Variants in SEC14L5 observed in about 807,000 individuals in gnomAD.
SEC14L5 encodes the protein SEC14-like protein 5.
In SEC14L5, 96 loss-of-function variants were observed where a neutral mutation model predicts 84.6. The observed-to-expected ratio is 1.13, with a 90% confidence interval of 0.96 to 1.34. SEC14L5 has a LOEUF of 1.34. Among genes scored for constraint, SEC14L5 ranks in the 40% most tolerant of loss-of-function variants. The pLI is 0.00. For synonymous variants in SEC14L5, 546 were observed against 383.4 expected, an observed-to-expected ratio of 1.42 and a Z score of -4.95; for missense variants, 1,224 against 942.5, an observed-to-expected ratio of 1.30 and a Z score of -3.91.
At chr16:4,967,573 T>A in intron 2 of SEC14L5, among the ~76,000 whole-genome samples, 1 of 131,006 alleles carries the variant, frequency 7.6e-6, no homozygotes, top group Admixed American at 7.7e-5. Context: ...TTTTTTTTTT[T>A]TTTTTTTTTT....
In SEC14L5 at chr16:4,961,154, T is replaced by C. The variant is rs1955116234; in HGVS notation, c.63+1768T>C. Among the ~76,000 whole-genome samples the C allele has an allele frequency of 2.6e-5, 4 of 151,792 alleles. No individual in the cohort carries two copies. In the South Asian group the frequency reaches 8.4e-4, roughly 32 times the overall value. On this transcript the variant is annotated intron_variant, in intron 2 of 15. Transcript: ENST00000251170. The stretch of plus-strand genomic sequence containing the variant: ...CGGGCGTGGTGGCGCGCACCTGTAG[T>C]CCCATCTACTCGGGAGGCTGAAGCA...
chr16:4,959,533 T>G, intron 2 of SEC14L5, 147 bp downstream of exon 2: 1 of 697,652 alleles, frequency 1.4e-6, no homozygotes, highest in Non-Finnish European at 2.6e-6. Context: ...TTAACTTCTA[T>G]CCAGTGACCT....
intron 14 of SEC14L5, among the ~76,000 whole-genome samples, chr16:5,010,113 C>T (rs1206488194): frequency 7.1e-6 from 1 of 140,624 alleles, no homozygotes; most frequent in African/African-American, 2.7e-5. Context: ...GAGGCCGAGG[C>T]AGGTGAATCA....
chr16:4,979,083 T>A (rs932033781), intron 2 of SEC14L5, among the ~76,000 whole-genome samples: 2 of 152,210 alleles, frequency 1.3e-5, no homozygotes, highest in African/African-American at 4.8e-5. Flanking sequence ...GCAAAGAGGC[T>A]GGACCCTCAG....
chr16:5,016,454 G>T lies in SEC14L5; in HGVS notation c.*1484G>T, dbSNP rs1955875973. 6.6e-6 allele frequency: 1 copy of T among 152,216 alleles called. No individual in the cohort carries two copies. The highest frequency in any genetic ancestry group is 2.4e-5 in the African/African-American group (1 of 41,432). 9.4% of individuals were successfully genotyped at this position (152,216 alleles called of 1,614,324 possible). A position where few individuals can be genotyped will look rare whatever the true frequency, so the allele number is the denominator to read the frequency against. ...CATTTGGGAGCACCAGCAGAATGGG[G>T]TCACTATTGTTGCATGAAGACAACA... On this transcript the variant is annotated 3_prime_UTR_variant, in exon 16 of 16. Coordinates refer to ENST00000251170, the MANE Select transcript of SEC14L5 (RefSeq NM_014692.2).
At chr16:5,003,829 C>G (rs76977301) in intron 11 of SEC14L5, among the ~76,000 whole-genome samples, 1 of 152,242 alleles carries the variant, frequency 6.6e-6, no homozygotes, top group Admixed American at 6.5e-5. Context: ...ACCCCCATGC[C>G]CATTATCGTG....
In SEC14L5 at chr16:4,996,404, C is replaced by A; in HGVS notation, c.724C>A (p.Gln242Lys). ...GTGCCTGGGCCACCTCACGCCCATG[C>A]AGGAGAGCTGCCTGATCCAGCTTCG... ...ERCLGHLTPMQESCLIQLRHW... is the reference protein window; with the variant it reads ...ERCLGHLTPMKESCLIQLRHW... Residue 242 changes from glutamine (Q) to lysine (K), a missense_variant, in exon 7 of 16, where the codon CAG becomes AAG. Transcript: ENST00000251170. The A allele has an allele frequency of 1.3e-6, 2 of 1,573,840 alleles. No individual in the cohort carries two copies. Among genetic ancestry groups the A allele is most frequent in the Admixed American group, 1.8e-5 (1 of 54,084 alleles).
In SEC14L5 at chr16:4,987,537, C is replaced by CA. The variant is rs755120983; in HGVS notation, c.64-19dup. On this transcript the variant is annotated intron_variant, in intron 2 of 15. Transcript: ENST00000251170. ...CTCTGCCCCCCCCACCACGGCCGCT[C>CA]ACTGCCGCTCTGCCCCCAGGCCTAC... 1.1e-4 allele frequency: 163 copies of CA among 1,528,686 alleles called. No individual in the cohort carries two copies. The highest frequency in any genetic ancestry group is 8.4e-4 in the Middle Eastern group (5 of 5,932). 94.7% of individuals were successfully genotyped at this position (1,528,686 alleles called of 1,614,324 possible). A position where few individuals can be genotyped will look rare whatever the true frequency, so the allele number is the denominator to read the frequency against.
rs1955616349 is a variant in SEC14L5 at position 4,996,838 on chromosome 16, ACTT to A, written c.781-13_781-11del. ...GGGGATACCGTTCTGTGGGCTTTTT[ACTT>A]CTTTGTCTCTCAGATTCCCAAAGAT... On this transcript the variant is annotated splice_polypyrimidine_tract_variant and intron_variant, in intron 7 of 15. Transcript: ENST00000251170. The A allele has an allele frequency of 6.3e-7, 1 of 1,598,456 alleles. No individual in the cohort carries two copies. Among genetic ancestry groups the A allele is most frequent in the Non-Finnish European group, 8.5e-7 (1 of 1,171,314 alleles).
At chr16:4,966,856 C>T (rs1320462294) in intron 2 of SEC14L5, among the ~76,000 whole-genome samples, 1 of 152,214 alleles carries the variant, frequency 6.6e-6, no homozygotes, top group African/African-American at 2.4e-5. Context: ...CAGTTACCAT[C>T]AGGATGCCTT....
rs148186772 is a variant in SEC14L5, at chr16:5,011,217, C to A, written c.1923C>A (p.Pro641=). 6.2e-7 allele frequency: 1 copy of A among 1,613,884 alleles called. No homozygotes were observed. The change falls in exon 15 of 16, where the codon CCC becomes CCA. Residue 641 remains proline (P), a synonymous_variant. Transcript: ENST00000251170. ...ATGTCCTGACGGCTCTGCACAGCCC[C>A]GGGCCCAAGTGCAAACTTCTCTACT... ...VDDVLTALHS[P]GPKCKLLYYC...
intron 2 of SEC14L5, among the ~76,000 whole-genome samples, chr16:4,971,014 A>T (rs1955270742): frequency 6.6e-6 from 1 of 151,658 alleles, no homozygotes; most frequent in African/African-American, 2.4e-5. Flanking sequence ...GGGCTGAGGC[A>T]GGAGAATCGC....
chr16:4,986,727 C>T (rs1955491108), intron 2 of SEC14L5, among the ~76,000 whole-genome samples: 1 of 152,044 alleles, frequency 6.6e-6, no homozygotes, highest in African/African-American at 2.4e-5. Context: ...TTGTAGTGTT[C>T]AGAGTATACA....
At chr16:4,962,853 G>T (rs769547429) in intron 2 of SEC14L5, among the ~76,000 whole-genome samples, 25 of 152,146 alleles carry the variant, frequency 1.6e-4, no homozygotes, top group Non-Finnish European at 2.6e-4. Context: ...CCACTTTGCC[G>T]ACTGTTTACA....
At chr16:4,968,477 C>T (rs191931184) in intron 2 of SEC14L5, among the ~76,000 whole-genome samples, 2 of 152,336 alleles carry the variant, frequency 1.3e-5, no homozygotes, top group Admixed American at 1.3e-4. Context: ...CGGCGCCCGG[C>T]CGCACCTGGC....
At chr16:4,989,313 T>G (rs558363458) in intron 4 of SEC14L5, among the ~76,000 whole-genome samples, 1 of 142,464 alleles carries the variant, frequency 7.0e-6, no homozygotes, top group Non-Finnish European at 1.5e-5. Context: ...TTTTTTTGTT[T>G]GTTTGTTTGT....
At position 5,015,179 on chromosome 16, in the gene SEC14L5, C is replaced by T; in HGVS notation, c.*209C>T. ...GCTCTTGAAATTGCAAGGACAGAAC[C>T]ATCTCCTTCCGGCTTCGTGTAAGGA... is the stretch of plus-strand genomic sequence containing the variant. On this transcript the variant is annotated 3_prime_UTR_variant, in exon 16 of 16. Coordinates refer to ENST00000251170, the MANE Select transcript of SEC14L5 (RefSeq NM_014692.2). The T allele has an allele frequency of 1.7e-6, 1 of 573,118 alleles. No homozygotes were observed. Among genetic ancestry groups the T allele is most frequent in the South Asian group, 2.2e-5 (1 of 45,408 alleles). The allele number at this position is 573,118 out of a possible 1,614,324, so 35.5% of individuals were successfully genotyped here.
At chr16:5,007,196 A>ACCTGGGTTCAATC (rs1293952699) in intron 12 of SEC14L5, among the ~76,000 whole-genome samples, 156 bp from the exon 13 acceptor site, 17 of 152,144 alleles carry the variant, frequency 1.1e-4, no homozygotes, top group Non-Finnish European at 1.9e-4. Flanking sequence ...GCATTGGTGG[A>ACCTGGGTTCAATC]CCTGGGGATT....
rs1271589414 is a variant in SEC14L5, at chr16:5,007,536, C to T, written c.1572+50C>T. ...CCCGCTGAGCTGGAGTGTCTGTCGTCTTAGGTCAGGTGACCCCAAAACACA... is the reference window on the plus strand; with the variant it reads ...CCCGCTGAGCTGGAGTGTCTGTCGTTTTAGGTCAGGTGACCCCAAAACACA... On this transcript the variant is annotated intron_variant, in intron 13 of 15. Transcript: ENST00000251170. The T allele has an allele frequency of 4.4e-6, 7 of 1,575,494 alleles. No individual in the cohort carries two copies. In the African/African-American group the frequency reaches 8.1e-5, roughly 18 times the overall value.
Sources: gnomAD v4.1 joint callset for allele counts (sites outside exome capture counted in the v4.1 genomes callset) on GRCh38, gnomAD v4.1.1 for gene constraint, MANE v1.5 for transcripts, NCBI Gene and HGNC (gene_info 2026-07-23, HGNC 2026-07-21) for gene names.